HSPG2: variants seen among roughly 807,000 people sequenced by gnomAD.
HSPG2 encodes basement membrane-specific heparan sulfate proteoglycan core protein.
Under a neutral mutation model 526.6 loss-of-function variants are expected in HSPG2, and 278 were observed. The observed-to-expected ratio is 0.53, with a 90% CI of 0.48 to 0.58. The LOEUF (loss-of-function observed/expected upper bound fraction) is 0.58. Among genes scored for constraint, HSPG2 ranks in the 20% least tolerant of loss-of-function variants. The pLI, the probability that HSPG2 is intolerant of heterozygous loss-of-function variation, is 0.00. For synonymous variants in HSPG2, 2,465 were observed against 2,555.4 expected (o/e 0.96, Z 1.07); for missense variants, 5,354 against 6,099.5 (o/e 0.88, Z 4.07).
At position 21,853,818 on chromosome 1, in the gene HSPG2, C is replaced by A. The variant is rs377744879; in HGVS notation, c.6439+375G>T. 11 of 234,974 alleles carry A rather than the reference C, an allele frequency of 4.7e-5. No individual in the cohort carries two copies. In the East Asian group the frequency reaches 7.1e-4, roughly 15 times the overall value. 14.6% of individuals were successfully genotyped at this position (234,974 alleles called of 1,614,324 possible). A position where few individuals can be genotyped will look rare whatever the true frequency, so the allele number is the denominator to read the frequency against. ...AAATAATAAAAAAACCACACCATGA[C>A]CAAGCAGGTGGGCAGTACTGCTCCA... On this transcript the variant is annotated intron_variant, in intron 50 of 96. Coordinates refer to ENST00000374695, the MANE Select transcript of HSPG2 (RefSeq NM_005529.7).
At chr1:21,888,926 T>C (rs11587885) in intron 6 of HSPG2, among the ~76,000 whole-genome samples, 6,042 of 152,178 alleles carry the variant, frequency 0.04, 149 homozygotes, top group African/African-American at 0.07. Flanking sequence ...AGGGTTTTTG[T>C]TTGTTTGTCT....
Position 21,831,521 on chromosome 1 carries a change from C to G in HSPG2, c.11394G>C (p.Leu3798=). The G allele has an allele frequency of 6.2e-7, 1 of 1,614,140 alleles. No homozygotes were observed. The highest frequency in any genetic ancestry group is 8.5e-7 in the Non-Finnish European group (1 of 1,179,998). ...TGGCACCATAGTCAGGATAGCCACCCAGGTAGAGTTCCTCGTTCAGATCCA... is the reference window on the plus strand; with the variant it reads ...TGGCACCATAGTCAGGATAGCCACCGAGGTAGAGTTCCTCGTTCAGATCCA... ...QGLDLNEELY[L]GGYPDYGAIP... Residue 3798 remains leucine, a synonymous_variant, in exon 83 of 97, where the codon CTG becomes CTC. Coordinates refer to ENST00000374695, the MANE Select transcript of HSPG2 (RefSeq NM_005529.7).
rs1401037495 is a variant in HSPG2, at chr1:21,872,495, A to G, written c.4030-118T>C. On this transcript the variant is annotated intron_variant, in intron 32 of 96. Coordinates refer to ENST00000374695, the MANE Select transcript of HSPG2 (RefSeq NM_005529.7). The surrounding 1 kb of genome is among the most constrained non-coding windows in gnomAD (Gnocchi z 5.5). ...GTCCTGTTGAGATCAGGACTGCGAG[A>G]GAAATAATGGGGGCATGTGAGGGTA... 1 of 1,415,494 alleles carries G rather than the reference A, an allele frequency of 7.1e-7. No homozygotes were observed. The highest frequency in any genetic ancestry group is 2.5e-5 in the East Asian group (1 of 40,196). The allele number at this position is 1,415,494 out of a possible 1,614,324, so 87.7% of individuals were successfully genotyped here. A position where few individuals can be genotyped will look rare whatever the true frequency, so the allele number is the denominator to read the frequency against.
chr1:21,832,467 C>T, intron 81 of HSPG2, 28 bp downstream of exon 81: 2 of 1,560,302 alleles, frequency 1.3e-6, no homozygotes, highest in Non-Finnish European at 1.8e-6. Context: ...TCCAGTCCCC[C>T]TGTAGGTGGG....
rs1224208385 is a variant in HSPG2, at chr1:21,892,521, C to G, written c.245-1827G>C. ...AGGTCTGGGTGAACACCTCCCATCT[C>G]CCACCCTGCAGCTGGTGCCTGAGCA... is the stretch of plus-strand genomic sequence containing the variant. On this transcript the variant is annotated intron_variant, in intron 3 of 96. Transcript: ENST00000374695. Among the ~76,000 whole-genome samples, 3 of 152,378 alleles carry G rather than the reference C, an allele frequency of 2.0e-5. No homozygotes were observed. The East Asian group carries it at 5.8e-4, about 29-fold the overall frequency.
In HSPG2 at chr1:21,857,138, C is replaced by T. The variant is rs563820477; in HGVS notation, c.5452G>A (p.Ala1818Thr). The change falls in exon 44 of 97, where the codon GCC becomes ACC. Residue 1818 changes from alanine to threonine, a missense_variant. Physicochemically the swap from Ala to Thr is moderately conservative, Grantham distance 58. Coordinates refer to ENST00000374695, the MANE Select transcript of HSPG2 (RefSeq NM_005529.7). ...RLHNGKLPTR[A>T]MDFNGILTIR... ...GTCAGGATGCCATTGAAATCCATGGCTCGGGTGGGCAGTTTCCCGTTGTGC... is the reference window on the plus strand; with the variant it reads ...GTCAGGATGCCATTGAAATCCATGGTTCGGGTGGGCAGTTTCCCGTTGTGC... 47 of 1,614,146 alleles carry T rather than the reference C, an allele frequency of 2.9e-5. No individual in the cohort carries two copies. In the South Asian group the frequency reaches 4.9e-4, roughly 17 times the overall value.
At chr1:21,885,534 C>T in intron 9 of HSPG2, 83 bp from the exon 10 acceptor site, 2 of 1,521,744 alleles carry the variant, frequency 1.3e-6, no homozygotes, top group South Asian at 2.3e-5. Context: ...CTCATCTTGC[C>T]CACATAACCC....
rs1642242449 is a variant in HSPG2 at position 21,890,110 on chromosome 1, C to T, written c.445G>A (p.Asp149Asn). 3.1e-6 allele frequency: 5 copies of T among 1,614,048 alleles called. No individual in the cohort carries two copies. The highest frequency in any genetic ancestry group is 3.4e-6 in the Non-Finnish European group (4 of 1,179,964). ...ELDGWVFVEL[D>N]VGSEGNADGA... Reference sequence around the variant, plus strand: ...TCCGCATTCCCTTCCGAGCCCACATCCAGCTCCACAAAAACCCAGCCATCC... The same window carrying T: ...TCCGCATTCCCTTCCGAGCCCACATTCAGCTCCACAAAAACCCAGCCATCC... The change falls in exon 6 of 97, where the codon GAT (aspartate) becomes AAT (asparagine). Residue 149 changes from aspartate (D) to asparagine (N), a missense_variant. Physicochemically the swap from Asp to Asn is conservative, Grantham distance 23. Transcript: ENST00000374695. The surrounding 1 kb of genome is among the most constrained non-coding windows in gnomAD (Gnocchi z 4.1).
In HSPG2 at chr1:21,846,247, G is replaced by A. The variant is rs142011049; in HGVS notation, c.8325C>T (p.Gly2775=). ...GSLPSHHQTR[G]SRLRLHHVSP... ...ACACATGGTGCAGCCGCAGCCGTGA[G>A]CCGCGGGTCTGAATAGGGGACAGGA... Residue 2775 remains glycine, a synonymous_variant, in exon 64 of 97, where the codon GGC becomes GGT. Coordinates refer to ENST00000374695, the MANE Select transcript of HSPG2 (RefSeq NM_005529.7). The A allele has an allele frequency of 2.6e-4, 426 of 1,613,112 alleles. 1 individual carries two copies. Among genetic ancestry groups the A allele is most frequent in the African/African-American group, 2.2e-3 (166 of 75,056 alleles).
intron 74 of HSPG2, 41 bp from the exon 75 acceptor site, chr1:21,837,047 G>A (rs1177283039): frequency 2.0e-6 from 3 of 1,519,632 alleles, no homozygotes; most frequent in African/African-American, 1.4e-5. Flanking sequence ...ATATGTGTGT[G>A]TGATGTCCCT....
Position 21,876,323 on chromosome 1 carries a change from G to A in HSPG2, c.2909C>T (p.Ser970Phe), listed in dbSNP as rs757035278. Reference protein sequence around the residue: ...STHTTNEGIFSPTPGELGFSS... With the variant: ...STHTTNEGIFFPTPGELGFSS... ...GAATCCCAGTTCCCCGGGCGTGGGGGAGAAGATGCCCTCGTTGGTGGTGTG... is the reference window on the plus strand; with the variant it reads ...GAATCCCAGTTCCCCGGGCGTGGGGAAGAAGATGCCCTCGTTGGTGGTGTG... Residue 970 changes from serine to phenylalanine, a missense_variant, in exon 23 of 97, where the codon TCC (serine) becomes TTC (phenylalanine). Transcript: ENST00000374695. 5 of 1,614,058 alleles carry A rather than the reference G, an allele frequency of 3.1e-6. No individual in the cohort carries two copies. The South Asian group carries it at 5.5e-5, about 18-fold the overall frequency.
At position 21,874,413 on chromosome 1, in the gene HSPG2, C is replaced by G. The variant is rs757364480; in HGVS notation, c.3649G>C (p.Ala1217Pro). 6.2e-7 allele frequency: 1 copy of G among 1,611,270 alleles called. No homozygotes were observed. The highest frequency in any genetic ancestry group is 1.3e-5 in the African/African-American group (1 of 74,846). The change falls in exon 28 of 97, where the codon GCC (alanine) becomes CCC (proline). Residue 1217 changes from alanine to proline, a missense_variant. Physicochemically the swap from Ala to Pro is conservative, Grantham distance 27. Transcript: ENST00000374695. ...QLCPCYGDPA[A>P]GQAAHTCFLD... is the part of the protein sequence containing the mutation. ...GGCAGGGACTGGACGCACTGGCCGGCAGCAGGGTCTCCGTAGCAGGGGCAC... is the reference window on the plus strand; with the variant it reads ...GGCAGGGACTGGACGCACTGGCCGGGAGCAGGGTCTCCGTAGCAGGGGCAC...
intron 75 of HSPG2, 105 bp from the exon 76 acceptor site, chr1:21,835,742 G>A: frequency 1.3e-6 from 1 of 791,536 alleles, no homozygotes. Context: ...CCAGCACTTT[G>A]GGAGGCTGAG....
At chr1:21,830,476 C>A in intron 85 of HSPG2, 1 of 316,708 alleles carries the variant, frequency 3.2e-6, no homozygotes, top group Non-Finnish European at 6.1e-6. Flanking sequence ...CACCTGAGGT[C>A]AGGAGTTCAA....
Position 21,824,782 on chromosome 1 carries a change from G to C in HSPG2, c.12590-3C>G. ...GGCTCCGTACTGCCCAGGGGCATCT[G>C]TGGGAGAGAGGAGGGTGGTGCCATA... On this transcript the variant is annotated splice_region_variant and splice_polypyrimidine_tract_variant and intron_variant, in intron 91 of 96. Transcript: ENST00000374695. The surrounding 1 kb of genome is among the most constrained non-coding windows in gnomAD (Gnocchi z 5.9). 1 of 1,611,018 alleles carries C rather than the reference G, an allele frequency of 6.2e-7. No individual in the cohort carries two copies. Among genetic ancestry groups the C allele is most frequent in the South Asian group, 1.1e-5 (1 of 90,496 alleles).
chr1:21,875,342 G>A, intron 25 of HSPG2: 1 of 598,142 alleles, frequency 1.7e-6, no homozygotes, highest in Admixed American at 2.9e-5. Flanking sequence ...GCTGAGGCTG[G>A]GGCTAGACTT....
intron 1 of HSPG2, among the ~76,000 whole-genome samples, chr1:21,899,291 C>A (rs968235757): frequency 1.3e-5 from 2 of 152,142 alleles, no homozygotes; most frequent in Non-Finnish European, 2.9e-5. Context: ...TGGAACCAGA[C>A]AGGAAAGAGG....
chr1:21,865,045 G>A lies in HSPG2; in HGVS notation c.4424C>T (p.Pro1475Leu), dbSNP rs369877268. Residue 1475 changes from proline (P) to leucine (L), a missense_variant, in exon 36 of 97, where the codon CCG becomes CTG. By Grantham distance (98) the Pro-to-Leu change is moderately conservative. Coordinates refer to ENST00000374695, the MANE Select transcript of HSPG2 (RefSeq NM_005529.7). The surrounding 1 kb of genome is among the most constrained non-coding windows in gnomAD (Gnocchi z 5.4). ...EEFWRRPDGQ[P>L]ATREHLLMAL... The stretch of plus-strand genomic sequence containing the variant: ...CATCAGGAGGTGCTCGCGTGTGGCC[G>A]GCTGCCCATCGGGCCGGCGCCAGAA... The A allele has an allele frequency of 3.0e-5, 47 of 1,569,322 alleles. No homozygotes were observed. Among genetic ancestry groups the A allele is most frequent in the African/African-American group, 6.8e-5 (5 of 73,836 alleles).
rs1282974816 is a variant in HSPG2, at chr1:21,834,692, C to A, written c.10707G>T (p.Leu3569=). Residue 3569 remains leucine (L), a synonymous_variant, in exon 77 of 97, where the codon CTG becomes CTT. Transcript: ENST00000374695. ...ACTGGCCTTCACCTTGCACAAGCAG[C>A]AGGACGTGGGATTGTGTGGTGCCAG... ...NAAGTTQSHV[L]LLVQALPQIS... 1.2e-6 allele frequency: 2 copies of A among 1,614,166 alleles called. No individual in the cohort carries two copies. The highest frequency in any genetic ancestry group is 1.3e-5 in the African/African-American group (1 of 75,050).
Sources: gnomAD v4.1 joint callset for allele counts (sites outside exome capture counted in the v4.1 genomes callset) on GRCh38, gnomAD v4.1.1 for gene constraint, Gnocchi (gnomAD v3.1) non-coding constraint, MANE v1.5 for transcripts, NCBI Gene and HGNC (gene_info 2026-07-23, HGNC 2026-07-21) for gene names.